SEL1L2: variants seen among roughly 807,000 people sequenced by gnomAD.
SEL1L2 encodes SEL1L2 adaptor subunit of SYVN1 ubiquitin ligase.
In SEL1L2, 89 loss-of-function variants were observed where a neutral mutation model predicts 98.8. The observed-to-expected ratio is 0.90, with a 90% CI of 0.76 to 1.07. The LOEUF is 1.07. Ranked by LOEUF, SEL1L2 falls within the 50% of genes least tolerant of loss-of-function variation. The probability of loss-of-function intolerance (pLI) is 0.00; values close to 1 mark genes in which losing one functional copy is unlikely to be tolerated. For missense variants in SEL1L2, 788 were observed against 812.0 expected (o/e 0.97, Z 0.36); for synonymous variants, 262 against 278.5 (o/e 0.94, Z 0.59).
intron 5 of SEL1L2, among the ~76,000 whole-genome samples, chr20:13,895,314 A>C (rs1254165774): frequency 1.3e-5 from 2 of 152,012 alleles, no homozygotes; most frequent in African/African-American, 4.8e-5. Context: ...ATGGTGGTGC[A>C]TGCCTGTATT....
At chr20:13,882,971 T>A (rs1391199412) in intron 10 of SEL1L2, among the ~76,000 whole-genome samples, 1 of 151,870 alleles carries the variant, frequency 6.6e-6, no homozygotes. Context: ...CGCCCGCCAC[T>A]ACGCCCGGCT....
At chr20:13,944,101 T>C (rs979449331) in intron 2 of SEL1L2, among the ~76,000 whole-genome samples, 2 of 152,140 alleles carry the variant, frequency 1.3e-5, no homozygotes, top group African/African-American at 4.8e-5. Flanking sequence ...GCCTAGGAAT[T>C]TGTCTGTCTT....
chr20:13,956,020 G>C, intron 2 of SEL1L2, 56 bp downstream of exon 2: 1 of 911,436 alleles, frequency 1.1e-6, no homozygotes, highest in Non-Finnish European at 1.8e-6. Flanking sequence ...GAAAAAACTA[G>C]TGCCTATAGC....
chr20:13,951,276 C>CAAA lies in SEL1L2; in HGVS notation c.114+4797_114+4799dup, dbSNP rs764034768. 4.3e-3 allele frequency among the ~76,000 whole-genome samples: 109 copies of CAAA among 25,460 alleles called. 2 individuals carry two copies. Among genetic ancestry groups the CAAA allele is most frequent in the African/African-American group, 7.7e-3 (50 of 6,462 alleles). 16.7% of individuals were successfully genotyped at this position (25,460 alleles called of 152,430 possible). ...TGGGCGACAGAGCGAGACTCCGTCT[C>CAAA]AAAAAAAAAAAAAAAAAAAAAAAGA... On this transcript the variant is annotated intron_variant, in intron 2 of 19. Transcript: ENST00000284951.
At chr20:13,868,362 A>G (rs1480670514) in intron 14 of SEL1L2, among the ~76,000 whole-genome samples, 1 of 151,988 alleles carries the variant, frequency 6.6e-6, no homozygotes, top group Non-Finnish European at 1.5e-5. Flanking sequence ...CTTTCCATCA[A>G]TTATAATTAT....
chr20:13,888,635 C>CTTTTTTTTTTTTTT lies in SEL1L2; in HGVS notation c.550-137_550-124dup, dbSNP rs71188192. On this transcript the variant is annotated intron_variant, in intron 5 of 19. Coordinates refer to ENST00000284951, the MANE Select transcript of SEL1L2 (RefSeq NM_025229.2). Reference sequence around the variant, plus strand: ...TTGCATTGTTAATTTCTTTCTTTCTCTTTTTTTTTTTTTTTTTTTTTGAGA... The same window carrying CTTTTTTTTTTTTTT: ...TTGCATTGTTAATTTCTTTCTTTCTCTTTTTTTTTTTTTTTTTTTTTTTTTTTTTTTTTTTGAGA... 30 of 206,472 alleles carry CTTTTTTTTTTTTTT rather than the reference C, an allele frequency of 1.5e-4. 1 individual carries two copies. Among genetic ancestry groups the CTTTTTTTTTTTTTT allele is most frequent in the African/African-American group, 3.6e-4 (9 of 25,028 alleles). 12.8% of individuals were successfully genotyped at this position (206,472 alleles called of 1,614,324 possible).
intron 1 of SEL1L2, among the ~76,000 whole-genome samples, chr20:13,963,292 C>T (rs1325502946): frequency 1.3e-5 from 2 of 149,228 alleles, no homozygotes; most frequent in Non-Finnish European, 3.0e-5. Context: ...TGTTCATCAA[C>T]CCTTGCTAGC....
In SEL1L2 at chr20:13,959,218, C is replaced by T. The variant is rs1054551414; in HGVS notation, c.59-3087G>A. 4.6e-5 allele frequency among the ~76,000 whole-genome samples: 7 copies of T among 152,228 alleles called. No homozygotes were observed. In the East Asian group the frequency reaches 7.7e-4, roughly 17 times the overall value. ...TCTTTTCTTAACAACGAACATTTCTCGATTGGATTGTGATGGGCAACGAAA... is the reference window on the plus strand; with the variant it reads ...TCTTTTCTTAACAACGAACATTTCTTGATTGGATTGTGATGGGCAACGAAA... On this transcript the variant is annotated intron_variant, in intron 1 of 19. Coordinates refer to ENST00000284951, the MANE Select transcript of SEL1L2 (RefSeq NM_025229.2).
At chr20:13,945,646 A>G (rs1318888803) in intron 2 of SEL1L2, among the ~76,000 whole-genome samples, 1 of 152,162 alleles carries the variant, frequency 6.6e-6, no homozygotes, top group Non-Finnish European at 1.5e-5. Flanking sequence ...ACCAGGAAAG[A>G]AAACTATAGA....
intron 2 of SEL1L2, among the ~76,000 whole-genome samples, chr20:13,935,126 T>C (rs1413904473): frequency 2.6e-5 from 4 of 152,242 alleles, no homozygotes; most frequent in Admixed American, 6.5e-5. Context: ...GTTTCTTGAC[T>C]TTGGGTTTCT....
intron 5 of SEL1L2, among the ~76,000 whole-genome samples, chr20:13,893,718 A>G (rs1345820897): frequency 1.3e-5 from 2 of 152,222 alleles, no homozygotes; most frequent in African/African-American, 4.8e-5. Flanking sequence ...TACAGGAGCA[A>G]AAGTATACAT....
At chr20:13,987,580 C>A (rs2052287612) in intron 1 of SEL1L2, among the ~76,000 whole-genome samples, 1 of 151,892 alleles carries the variant, frequency 6.6e-6, no homozygotes, top group Non-Finnish European at 1.5e-5. Flanking sequence ...GATCTCTTGA[C>A]CTCGTGATCC....
At chr20:13,850,741 T>C (rs8120091) in intron 18 of SEL1L2, among the ~76,000 whole-genome samples, 1 of 152,092 alleles carries the variant, frequency 6.6e-6, no homozygotes, top group African/African-American at 2.4e-5. Context: ...GATTTTAGCC[T>C]CGTGAAACCC....
chr20:13,983,023 CAAAA>C (rs57993052), intron 1 of SEL1L2, among the ~76,000 whole-genome samples: 17 of 15,562 alleles, frequency 1.1e-3, no homozygotes, highest in African/African-American at 2.0e-3. Context: ...GACTCCATCT[CAAAA>C]AAAAAAAAAA....
intron 1 of SEL1L2, among the ~76,000 whole-genome samples, chr20:13,962,950 C>T (rs1411488595): frequency 6.6e-6 from 1 of 151,710 alleles, no homozygotes; most frequent in Admixed American, 6.6e-5. Context: ...ACCTATAATC[C>T]CAGCTACTTG....
At chr20:13,942,773 A>C (rs1351889798) in intron 2 of SEL1L2, among the ~76,000 whole-genome samples, 2 of 152,192 alleles carry the variant, frequency 1.3e-5, no homozygotes. Flanking sequence ...GTCTTAAATA[A>C]ATGCATGTAT....
chr20:13,877,254 G>A (rs747305596), intron 11 of SEL1L2, among the ~76,000 whole-genome samples: 2 of 152,332 alleles, frequency 1.3e-5, no homozygotes, highest in Non-Finnish European at 2.9e-5. Flanking sequence ...AGCCGCTTCC[G>A]TGAAAGAGGC....
chr20:13,931,849 C>T, intron 2 of SEL1L2, 78 bp from the exon 3 acceptor site: 1 of 1,227,236 alleles, frequency 8.1e-7, no homozygotes, highest in Non-Finnish European at 1.1e-6. Context: ...AGTGAAAATT[C>T]ATATATTCAT....
intron 17 of SEL1L2, among the ~76,000 whole-genome samples, chr20:13,861,224 G>A (rs6105172): frequency 1.9e-3 from 288 of 151,954 alleles, no homozygotes; most frequent in African/African-American, 6.8e-3. Context: ...CGCCTAGGCT[G>A]TAGTGCAATG....
Sources: allele counts gnomAD v4.1 joint callset (sites outside exome capture counted in the v4.1 genomes callset), GRCh38; gene constraint gnomAD v4.1.1; transcripts MANE v1.5; gene names NCBI Gene and HGNC (gene_info 2026-07-23, HGNC 2026-07-21).